The following NRG1 variants were observed in gnomAD, a reference collection of about 807,000 sequenced individuals.
The protein encoded by NRG1 is neuregulin 1, also known as pro-neuregulin-1, membrane-bound isoform.
Under a neutral mutation model 63.8 loss-of-function variants are expected in NRG1, and 18 were observed. The ratio of observed to expected loss-of-function variants is 0.28; its 90% CI spans 0.19 to 0.42. NRG1 has a LOEUF of 0.42. Ranked by LOEUF, NRG1 falls within the 10% of genes least tolerant of loss-of-function variation. The pLI is 1.00. For synonymous variants in NRG1, 302 were observed against 301.3 expected (o/e 1.00, Z -0.02); for missense variants, 762 against 814.7 (o/e 0.94, Z 0.79).
At chr8:32,329,242 T>C (rs1183027611) in intron 1 of NRG1, among the ~76,000 whole-genome samples, 1 of 152,166 alleles carries the variant, frequency 6.6e-6, no homozygotes, top group Non-Finnish European at 1.5e-5. Context: ...GTGCTGGGAT[T>C]ACAGGTGTGA....
chr8:32,397,524 CA>C (rs58798252), intron 1 of NRG1, among the ~76,000 whole-genome samples: 2,131 of 139,106 alleles, frequency 0.015, 39 homozygotes, highest in African/African-American at 0.045. Context: ...GACTTAACAT[CA>C]AAAAAAAAAA....
chr8:31,931,428 T>C (rs1384413618), intron 1 of NRG1, among the ~76,000 whole-genome samples: 2 of 152,196 alleles, frequency 1.3e-5, no homozygotes, highest in African/African-American at 4.8e-5. Context: ...CTGTGTGACC[T>C]TGGGCAAGCT....
chr8:32,557,357 G>T (rs1044885088), intron 1 of NRG1, among the ~76,000 whole-genome samples: 1 of 152,018 alleles, frequency 6.6e-6, no homozygotes, highest in African/African-American at 2.4e-5. Context: ...TATATCTTTT[G>T]GTATTTTATC....
At chr8:32,613,602 A>G (rs1797063888) in intron 3 of NRG1, among the ~76,000 whole-genome samples, 1 of 152,066 alleles carries the variant, frequency 6.6e-6, no homozygotes, top group Admixed American at 6.6e-5. Flanking sequence ...TAATTTTTGT[A>G]CAGTAGATAG....
At chr8:32,433,956 G>T (rs192755883) in intron 1 of NRG1, among the ~76,000 whole-genome samples, 1 of 152,178 alleles carries the variant, frequency 6.6e-6, no homozygotes, top group East Asian at 1.9e-4. Context: ...GGGAGGCCTT[G>T]GTGGGCGGAT....
intron 1 of NRG1, among the ~76,000 whole-genome samples, chr8:32,489,910 G>A (rs1248781989): frequency 6.6e-6 from 1 of 152,106 alleles, no homozygotes; most frequent in Non-Finnish European, 1.5e-5. Flanking sequence ...GTGTGACTTT[G>A]GATGCTCTCA....
chr8:32,699,025 A>G lies in NRG1; in HGVS notation c.503-28924A>G, dbSNP rs572262703. On this transcript the variant is annotated intron_variant, in intron 5 of 11. Transcript: ENST00000356819. ...TGGAAAAAAATTCACAAGTGCCATT[A>G]TAAATGCTTCTATGGATAAAGACCT... is the stretch of plus-strand genomic sequence containing the variant. 2.0e-5 allele frequency among the ~76,000 whole-genome samples: 3 copies of G among 152,334 alleles called. No homozygotes were observed. In the South Asian group the frequency reaches 6.2e-4, roughly 32 times the overall value.
chr8:32,422,652 G>C (rs192756836), intron 1 of NRG1, among the ~76,000 whole-genome samples: 3 of 152,222 alleles, frequency 2.0e-5, no homozygotes, highest in African/African-American at 7.2e-5. Context: ...GGTCATATGA[G>C]ATTACTTTCT....
At chr8:32,342,386 C>T (rs1047912934) in intron 1 of NRG1, among the ~76,000 whole-genome samples, 7 of 152,112 alleles carry the variant, frequency 4.6e-5, no homozygotes, top group African/African-American at 1.7e-4. Context: ...ATTTGCTGGC[C>T]CTTTGCACTG....
exon 1 of NRG1, chr8:31,639,319 G>A (rs996497246): frequency 1.3e-5 from 19 of 1,518,130 alleles, no homozygotes; most frequent in Admixed American, 2.0e-5. Context: ...CGGGGCGACA[G>A]AGAGGGAGGA....
In NRG1 at chr8:32,066,006, A is replaced by G. The variant is rs1481081712; in HGVS notation, c.37+426575A>G. 2.0e-5 allele frequency among the ~76,000 whole-genome samples: 3 copies of G among 152,242 alleles called. No homozygotes were observed. In the East Asian group the frequency reaches 5.8e-4, roughly 29 times the overall value. Reference sequence around the variant, plus strand: ...CTTCTTTTGAGAAGTGTCTGTTCCTATCCTTTGCCCACTTTTTGATGGGGT... The same window carrying G: ...CTTCTTTTGAGAAGTGTCTGTTCCTGTCCTTTGCCCACTTTTTGATGGGGT... On this transcript the variant is annotated intron_variant, in intron 1 of 10. Coordinates refer to the NRG1 transcript ENST00000519301.
intron 1 of NRG1, among the ~76,000 whole-genome samples, chr8:32,129,718 C>T (rs1423298431): frequency 1.3e-5 from 2 of 151,792 alleles, no homozygotes; most frequent in South Asian, 2.1e-4. Context: ...CCCCAGATCA[C>T]GATAAAAAGC....
chr8:31,828,198 A>C (rs894303642), intron 1 of NRG1, among the ~76,000 whole-genome samples: 1 of 152,224 alleles, frequency 6.6e-6, no homozygotes, highest in Non-Finnish European at 1.5e-5. Context: ...ATGTGTATTT[A>C]TGGCATTATC....
At chr8:31,685,244 T>C (rs1808766038) in intron 1 of NRG1, among the ~76,000 whole-genome samples, 1 of 152,138 alleles carries the variant, frequency 6.6e-6, no homozygotes, top group South Asian at 2.1e-4. Flanking sequence ...CACATGCAAA[T>C]CATCAAAGTT....
At position 32,271,468 on chromosome 8, in the gene NRG1, T is replaced by A. The variant is rs73248770; in HGVS notation, c.38-324360T>A. Reference sequence around the variant, plus strand: ...AAATTCCTGGGCGAGTTGGGTAAATTTTTTATTATAAGAAAACACTCCTTT... The same window carrying A: ...AAATTCCTGGGCGAGTTGGGTAAATATTTTATTATAAGAAAACACTCCTTT... On this transcript the variant is annotated intron_variant, in intron 1 of 10. Coordinates refer to the NRG1 transcript ENST00000519301. 4.6e-3 allele frequency among the ~76,000 whole-genome samples: 699 copies of A among 152,246 alleles called. 2 individuals are homozygous for A. Among genetic ancestry groups the A allele is most frequent in the Non-Finnish European group, 8.5e-3 (580 of 68,016 alleles).
At chr8:32,764,562 G>A (rs1198329830) in exon 12 of NRG1, 1 of 623,062 alleles carries the variant, frequency 1.6e-6, no homozygotes, top group Non-Finnish European at 2.5e-6. Flanking sequence ...AATGTGTTAT[G>A]TGCCATATGT....
At chr8:32,732,133 G>A (rs1351228143) in intron 6 of NRG1, among the ~76,000 whole-genome samples, 1 of 152,170 alleles carries the variant, frequency 6.6e-6, no homozygotes, top group Non-Finnish European at 1.5e-5. Flanking sequence ...GACTGTGTGG[G>A]AATTTCAGTG....
intron 1 of NRG1, among the ~76,000 whole-genome samples, chr8:31,811,004 G>A (rs1329091283): frequency 6.6e-6 from 1 of 152,076 alleles, no homozygotes; most frequent in Non-Finnish European, 1.5e-5. Context: ...TAAGCTTTAT[G>A]GTGCCTCTCT....
At chr8:31,856,193 T>C (rs1489242819) in intron 1 of NRG1, among the ~76,000 whole-genome samples, 3 of 152,206 alleles carry the variant, frequency 2.0e-5, no homozygotes, top group Non-Finnish European at 4.4e-5. Flanking sequence ...TCCTGGATAA[T>C]ATCCTGCAGA....
Sources: gnomAD v4.1 joint callset for allele counts (sites outside exome capture counted in the v4.1 genomes callset) on GRCh38, gnomAD v4.1.1 for gene constraint, MANE v1.5 for transcripts, NCBI Gene and HGNC (gene_info 2026-07-23, HGNC 2026-07-21) for gene names.